ZMAT4: variants seen among roughly 807,000 people sequenced by gnomAD.
ZMAT4 encodes the protein zinc finger matrin-type 4.
A neutral mutation model predicts 28.7 loss-of-function variants in ZMAT4; 17 were observed. The ratio of observed to expected loss-of-function variants is 0.59; its 90% CI spans 0.41 to 0.89. ZMAT4 has a LOEUF of 0.89. Among genes scored for constraint, ZMAT4 ranks in the 40% least tolerant of loss-of-function variants. ZMAT4 has a pLI of 0.00. For missense variants in ZMAT4, 240 were observed against 283.8 expected (o/e 0.85, Z 1.11); for synonymous variants, 117 against 109.2 (o/e 1.07, Z -0.44).
intron 6 of ZMAT4, among the ~76,000 whole-genome samples, chr8:40,550,566 C>A (rs944303713): frequency 6.6e-6 from 1 of 152,132 alleles, no homozygotes; most frequent in African/African-American, 2.4e-5. Flanking sequence ...AGGGTGGGAC[C>A]AGCTGAAGGT....
At chr8:40,728,451 T>C (rs1474276246) in intron 3 of ZMAT4, among the ~76,000 whole-genome samples, 2 of 152,210 alleles carry the variant, frequency 1.3e-5, no homozygotes, top group African/African-American at 4.8e-5. Context: ...TTTCCCAACC[T>C]GAGCATCACT....
chr8:40,881,457 AAG>A (rs1350156996), intron 1 of ZMAT4, among the ~76,000 whole-genome samples: 1 of 143,404 alleles, frequency 7.0e-6, no homozygotes, highest in Non-Finnish European at 1.5e-5. Flanking sequence ...GAAAGAAAGA[AAG>A]AAAGAAAGAA....
intron 5 of ZMAT4, among the ~76,000 whole-genome samples, chr8:40,637,181 A>G (rs10092513): frequency 0.28 from 42,765 of 152,066 alleles, 6,177 homozygotes; most frequent in Admixed American, 0.37. Context: ...CACATTTCTC[A>G]GTCAAATTGC....
At chr8:40,808,607 T>G (rs1242422158) in intron 2 of ZMAT4, 1 of 452,424 alleles carries the variant, frequency 2.2e-6, no homozygotes, top group Non-Finnish European at 4.4e-6. Context: ...CTTCACTCAA[T>G]AAATGGAGGT....
At chr8:40,843,421 G>T (rs1440257344) in intron 1 of ZMAT4, among the ~76,000 whole-genome samples, 1 of 152,138 alleles carries the variant, frequency 6.6e-6, no homozygotes, top group Non-Finnish European at 1.5e-5. Context: ...GGTGGCGTTT[G>T]TATGTTGCAA....
Position 40,801,347 on chromosome 8 carries a change from A to AT in ZMAT4, c.102+24227_102+24228insA, listed in dbSNP as rs1174640469. ...TTTCAGATGATACTTTCTTTAAAAA[A>AT]AAAAATATATATATATATATATATA... On this transcript the variant is annotated intron_variant, in intron 2 of 6. Coordinates refer to ENST00000297737, the MANE Select transcript of ZMAT4 (RefSeq NM_024645.3). Among the ~76,000 whole-genome samples, 293 of 48,550 alleles carry AT rather than the reference A, an allele frequency of 6.0e-3. 6 individuals are homozygous for AT. Among genetic ancestry groups the AT allele is most frequent in the African/African-American group, 0.026 (277 of 10,754 alleles). 31.9% of individuals were successfully genotyped at this position (48,550 alleles called of 152,430 possible).
intron 6 of ZMAT4, among the ~76,000 whole-genome samples, chr8:40,547,698 C>T (rs1002574394): frequency 6.6e-6 from 1 of 152,070 alleles, no homozygotes; most frequent in African/African-American, 2.4e-5. Context: ...ACACATGCCA[C>T]GGTGGTTTGC....
At chr8:40,660,676 G>A (rs1808147826) in intron 5 of ZMAT4, among the ~76,000 whole-genome samples, 1 of 152,152 alleles carries the variant, frequency 6.6e-6, no homozygotes, top group African/African-American at 2.4e-5. Flanking sequence ...CAATTTATCA[G>A]GACATCTGCT....
At chr8:40,644,200 A>C (rs1240430480) in intron 5 of ZMAT4, among the ~76,000 whole-genome samples, 2 of 152,174 alleles carry the variant, frequency 1.3e-5, no homozygotes, top group Non-Finnish European at 2.9e-5. Context: ...GAATTTGATT[A>C]GATGGAATAA....
At chr8:40,689,980 G>A (rs1227263721) in intron 4 of ZMAT4, among the ~76,000 whole-genome samples, 1 of 152,010 alleles carries the variant, frequency 6.6e-6, no homozygotes, top group Non-Finnish European at 1.5e-5. Context: ...CTAGGCAGTA[G>A]GCTCCTTGTT....
rs375104440 is a variant in ZMAT4, at chr8:40,780,186, A to G, written c.103-12456T>C. On this transcript the variant is annotated intron_variant, in intron 2 of 6. Coordinates refer to ENST00000297737, the MANE Select transcript of ZMAT4 (RefSeq NM_024645.3). The stretch of plus-strand genomic sequence containing the variant: ...AACTGAAATTGAAATGCATCACCTA[A>G]ATCGAAATGCATTTGACACACCTAA... Among the ~76,000 whole-genome samples the G allele has an allele frequency of 2.4e-4, 36 of 152,230 alleles. No homozygotes were observed. The East Asian group carries it at 4.6e-3, about 20-fold the overall frequency.
chr8:40,800,649 A>G (rs1586072913), intron 2 of ZMAT4, among the ~76,000 whole-genome samples: 1 of 123,496 alleles, frequency 8.1e-6, no homozygotes, highest in African/African-American at 3.0e-5. Context: ...ACACTTCTGA[A>G]TAACACATGG....
chr8:40,810,837 A>G (rs1007875997), intron 2 of ZMAT4, among the ~76,000 whole-genome samples: 5 of 152,230 alleles, frequency 3.3e-5, no homozygotes, highest in African/African-American at 1.2e-4. Context: ...TAAAAAGAAT[A>G]CAAGTACACC....
At chr8:40,601,651 AG>A (rs1563360944) in intron 5 of ZMAT4, among the ~76,000 whole-genome samples, 2 of 28,710 alleles carry the variant, frequency 7.0e-5, no homozygotes, top group Non-Finnish European at 1.6e-4. Flanking sequence ...AAAGAAAGAA[AG>A]AAAGAAAGAA....
intron 6 of ZMAT4, among the ~76,000 whole-genome samples, chr8:40,542,274 G>T (rs1190272805): frequency 6.6e-6 from 1 of 152,186 alleles, no homozygotes; most frequent in Non-Finnish European, 1.5e-5. Flanking sequence ...CAGGGAGGCT[G>T]TACTCATGTG....
At chr8:40,708,566 ACTCTTT>A (rs767784647) in intron 3 of ZMAT4, among the ~76,000 whole-genome samples, 25 of 69,206 alleles carry the variant, frequency 3.6e-4, no homozygotes, top group South Asian at 1.1e-3. Context: ...ACACATACAC[ACTCTTT>A]CTCTCTCTCT....
At chr8:40,666,751 T>G (rs1200817542) in intron 5 of ZMAT4, among the ~76,000 whole-genome samples, 2 of 152,170 alleles carry the variant, frequency 1.3e-5, no homozygotes, top group Non-Finnish European at 2.9e-5. Flanking sequence ...TTTAGTTGAC[T>G]TTCAAACGAC....
At chr8:40,650,249 C>T (rs924225137) in intron 5 of ZMAT4, among the ~76,000 whole-genome samples, 2 of 151,904 alleles carry the variant, frequency 1.3e-5, no homozygotes, top group African/African-American at 4.8e-5. Context: ...GGGATATCAC[C>T]ACCGATCCCA....
At chr8:40,872,445 A>G (rs1817894634) in intron 1 of ZMAT4, among the ~76,000 whole-genome samples, 1 of 151,932 alleles carries the variant, frequency 6.6e-6, no homozygotes, top group Non-Finnish European at 1.5e-5. Context: ...ACCCCCCCCA[A>G]CCCTGGAGAA....
Sources: gnomAD v4.1 joint callset for allele counts (sites outside exome capture counted in the v4.1 genomes callset) on GRCh38, gnomAD v4.1.1 for gene constraint, MANE v1.5 for transcripts, NCBI Gene and HGNC (gene_info 2026-07-23, HGNC 2026-07-21) for gene names.